Variants in ZNF804B observed in about 807,000 individuals in gnomAD.
ZNF804B encodes the protein zinc finger 804B.
Under a neutral mutation model 101.4 loss-of-function variants are expected in ZNF804B, and 80 were observed. The ratio of observed to expected loss-of-function variants is 0.79; its 90% CI spans 0.66 to 0.95. The LOEUF is 0.95. Ranked by LOEUF, ZNF804B falls within the 40% of genes least tolerant of loss-of-function variation. ZNF804B has a pLI of 0.00. For missense variants in ZNF804B, 1,673 were observed against 1,561.9 expected, an observed-to-expected ratio of 1.07 and a Z score of -1.20; for synonymous variants, 622 against 558.8, an observed-to-expected ratio of 1.11 and a Z score of -1.59.
rs1562799787 is a variant in ZNF804B, at chr7:88,809,339, CTATCTATCTATCTAT to C, written c.108+49256_108+49270del. 2.7e-5 allele frequency among the ~76,000 whole-genome samples: 4 copies of C among 147,708 alleles called. No homozygotes were observed. The East Asian group carries it at 5.9e-4, about 22-fold the overall frequency. ...TCTATCTATCTATCTATCTATCTAT[CTATCTATCTATCTAT>C]CTACCTATCTATCTACCTACCTACT... On this transcript the variant is annotated intron_variant, in intron 1 of 3. Transcript: ENST00000333190.
At position 88,760,010 on chromosome 7, in the gene ZNF804B, C is replaced by A. The variant is rs771869522; in HGVS notation, c.34C>A (p.Leu12Ile). 6.2e-7 allele frequency: 1 copy of A among 1,614,116 alleles called. No homozygotes were observed. Among genetic ancestry groups the A allele is most frequent in the Non-Finnish European group, 8.5e-7 (1 of 1,180,050 alleles). The change falls in exon 1 of 4, where the codon CTC becomes ATC. Residue 12 changes from leucine to isoleucine, a missense_variant. Coordinates refer to ENST00000333190, the MANE Select transcript of ZNF804B (RefSeq NM_181646.5). The stretch of plus-strand genomic sequence containing the variant: ...TTACCTGGTCATCAGTTCGAGACAT[C>A]TCAGCAATGGGCACTACCGGGGCAT... The part of the protein sequence containing the change: ...ACYLVISSRH[L>I]SNGHYRGIKG...
At chr7:89,273,407 T>G (rs772922107) in intron 2 of ZNF804B, among the ~76,000 whole-genome samples, 3 of 152,106 alleles carry the variant, frequency 2.0e-5, no homozygotes, top group Non-Finnish European at 2.9e-5. Flanking sequence ...AATAGCTAGG[T>G]GGAGTTGTTG....
intron 1 of ZNF804B, among the ~76,000 whole-genome samples, chr7:88,776,716 C>G (rs1790147036): frequency 6.7e-6 from 1 of 150,352 alleles, no homozygotes; most frequent in Non-Finnish European, 1.5e-5. Flanking sequence ...CATCCAACCT[C>G]ATTACTGTTT....
intron 1 of ZNF804B, among the ~76,000 whole-genome samples, chr7:89,125,387 T>G (rs1253229943): frequency 2.6e-5 from 4 of 151,852 alleles, no homozygotes; most frequent in African/African-American, 9.7e-5. Flanking sequence ...ATCAAAATAA[T>G]TTATGCCTGG....
At chr7:89,078,160 T>C (rs1260240156) in intron 1 of ZNF804B, among the ~76,000 whole-genome samples, 1 of 152,104 alleles carries the variant, frequency 6.6e-6, no homozygotes, top group African/African-American at 2.4e-5. Flanking sequence ...CCTGTCTAAA[T>C]ATTTACCATT....
chr7:89,011,764 C>T (rs1050028093), intron 1 of ZNF804B, among the ~76,000 whole-genome samples: 3 of 152,114 alleles, frequency 2.0e-5, no homozygotes, highest in Non-Finnish European at 2.9e-5. Flanking sequence ...GAGAGTACAG[C>T]CCCCCTCGCA....
intron 2 of ZNF804B, among the ~76,000 whole-genome samples, chr7:89,313,503 C>CA (rs2115950984): frequency 6.6e-6 from 1 of 152,232 alleles, no homozygotes; most frequent in South Asian, 2.1e-4. Context: ...GACTGGTAAG[C>CA]AATGATATTG....
At position 88,835,714 on chromosome 7, in the gene ZNF804B, ATG is replaced by A. The variant is rs1429740213; in HGVS notation, c.108+75638_108+75639del. Among the ~76,000 whole-genome samples, 4 of 152,042 alleles carry A rather than the reference ATG, an allele frequency of 2.6e-5. No homozygotes were observed. The East Asian group carries it at 5.8e-4, about 22-fold the overall frequency. ...TTATTTATTTTATCAACTATGTAGA[ATG>A]TGTGTGTACAGGTATTCTATATATG... On this transcript the variant is annotated intron_variant, in intron 1 of 3. Transcript: ENST00000333190.
At chr7:88,883,352 A>G (rs1792071077) in intron 1 of ZNF804B, among the ~76,000 whole-genome samples, 1 of 152,016 alleles carries the variant, frequency 6.6e-6, no homozygotes, top group Admixed American at 6.6e-5. Context: ...TTAGGCAGAG[A>G]GTTGGTGTTT....
At chr7:89,095,884 A>G (rs1369358647) in intron 1 of ZNF804B, among the ~76,000 whole-genome samples, 1 of 152,026 alleles carries the variant, frequency 6.6e-6, no homozygotes, top group Admixed American at 6.6e-5. Context: ...TTGAAAATCA[A>G]CTCACGCCTG....
chr7:89,155,438 T>C (rs757208622), intron 1 of ZNF804B, among the ~76,000 whole-genome samples: 1 of 152,090 alleles, frequency 6.6e-6, no homozygotes, highest in Non-Finnish European at 1.5e-5. Flanking sequence ...TCTTACCATC[T>C]CTCTCACCTG....
At chr7:89,098,922 AC>A (rs563446675) in intron 1 of ZNF804B, among the ~76,000 whole-genome samples, 45 of 151,778 alleles carry the variant, frequency 3.0e-4, no homozygotes, top group African/African-American at 1.1e-3. Context: ...AAAATTTCTT[AC>A]TGAAAAGTAG....
At chr7:89,151,846 T>A (rs1790881957) in intron 1 of ZNF804B, among the ~76,000 whole-genome samples, 1 of 152,078 alleles carries the variant, frequency 6.6e-6, no homozygotes, top group Non-Finnish European at 1.5e-5. Flanking sequence ...TAGGCTATGA[T>A]CTACCTCCTA....
At chr7:88,802,382 G>A (rs1053316477) in intron 1 of ZNF804B, among the ~76,000 whole-genome samples, 1 of 152,034 alleles carries the variant, frequency 6.6e-6, no homozygotes, top group African/African-American at 2.4e-5. Flanking sequence ...GCAAGTTTAT[G>A]CATTCATTTT....
At chr7:89,201,317 A>T (rs547209299) in intron 1 of ZNF804B, among the ~76,000 whole-genome samples, 1 of 152,180 alleles carries the variant, frequency 6.6e-6, no homozygotes, top group South Asian at 2.1e-4. Flanking sequence ...CAGAAGCAAA[A>T]GATTCTATAG....
chr7:89,132,519 G>A (rs1191439742), intron 1 of ZNF804B, among the ~76,000 whole-genome samples: 2 of 151,936 alleles, frequency 1.3e-5, no homozygotes, highest in Non-Finnish European at 2.9e-5. Flanking sequence ...ATTTACCTGA[G>A]AGTCTCAGCT....
intron 1 of ZNF804B, among the ~76,000 whole-genome samples, chr7:89,087,227 A>G (rs1347868745): frequency 6.6e-6 from 1 of 151,934 alleles, no homozygotes; most frequent in African/African-American, 2.4e-5. Flanking sequence ...GTATGAAAAT[A>G]AGTAAGACAA....
intron 1 of ZNF804B, among the ~76,000 whole-genome samples, chr7:89,085,658 G>T (rs1197211622): frequency 6.6e-6 from 1 of 151,844 alleles, no homozygotes; most frequent in Non-Finnish European, 1.5e-5. Flanking sequence ...ACACTCTGCA[G>T]GATTTTTTGT....
intron 2 of ZNF804B, among the ~76,000 whole-genome samples, chr7:89,274,981 G>T (rs1451312774): frequency 6.6e-6 from 1 of 151,908 alleles, no homozygotes; most frequent in African/African-American, 2.4e-5. Flanking sequence ...ACAGAGAATA[G>T]AAAACTCTCA....
Sources: allele counts gnomAD v4.1 joint callset (sites outside exome capture counted in the v4.1 genomes callset), GRCh38; gene constraint gnomAD v4.1.1; transcripts MANE v1.5; gene names NCBI Gene and HGNC (gene_info 2026-07-23, HGNC 2026-07-21).